Variants in WDR70 observed in about 807,000 individuals in gnomAD.
WDR70 encodes WD repeat domain 70, also known as WD repeat-containing protein 70.
A neutral mutation model predicts 88.6 loss-of-function variants in WDR70; 53 were observed. The observed-to-expected ratio is 0.60, with a 90% CI of 0.48 to 0.75. WDR70 has a LOEUF of 0.75. Among genes scored for constraint, WDR70 ranks in the 30% least tolerant of loss-of-function variants. The pLI is 0.00. For synonymous variants in WDR70, 280 were observed against 270.0 expected (o/e 1.04, Z -0.36); for missense variants, 610 against 823.2 (o/e 0.74, Z 3.17).
At chr5:37,438,048 A>G in intron 6 of WDR70, 67 bp downstream of exon 6, 2 of 1,384,448 alleles carry the variant, frequency 1.4e-6, no homozygotes, top group Non-Finnish European at 2.0e-6. Flanking sequence ...GTGAACTGAT[A>G]AGATACATTT....
intron 5 of WDR70, among the ~76,000 whole-genome samples, chr5:37,435,249 A>G (rs576995192): frequency 5.9e-5 from 9 of 152,306 alleles, no homozygotes; most frequent in African/African-American, 2.2e-4. Flanking sequence ...CAGTATTTCT[A>G]TTTGCTGAGT....
intron 9 of WDR70, among the ~76,000 whole-genome samples, chr5:37,560,983 AG>A (rs1244052855): frequency 9.2e-5 from 14 of 151,764 alleles, no homozygotes; most frequent in African/African-American, 3.1e-4. Flanking sequence ...CCAATCTTGA[AG>A]AAAAAAATAC....
intron 10 of WDR70, among the ~76,000 whole-genome samples, chr5:37,608,319 C>T (rs144322084): frequency 0.013 from 1,954 of 152,198 alleles, 22 homozygotes; most frequent in African/African-American, 0.037. Flanking sequence ...GGATTACAGG[C>T]GTGAGCCACC....
rs1238234916 is a variant in WDR70 at position 37,381,647 on chromosome 5, C to T, written c.137C>T (p.Thr46Ile). 6.2e-7 allele frequency: 1 copy of T among 1,612,158 alleles called. No homozygotes were observed. Among genetic ancestry groups the T allele is most frequent in the South Asian group, 1.1e-5 (1 of 91,054 alleles). ...GACTTGGAAGCAATGTTTGAACAAA[C>T]TCGAAGGACAGCTGTGGAAAGAAGT... Reference protein sequence around the residue: ...TFDLEAMFEQTRRTAVERSRK... With the variant: ...TFDLEAMFEQIRRTAVERSRK... Residue 46 changes from threonine to isoleucine, a missense_variant, in exon 3 of 18, where the codon ACT becomes ATT. By Grantham distance (89) the Thr-to-Ile change is moderately conservative. Coordinates refer to ENST00000265107, the MANE Select transcript of WDR70 (RefSeq NM_018034.4).
chr5:37,740,313 G>C (rs148298821), intron 17 of WDR70, among the ~76,000 whole-genome samples: 1 of 152,068 alleles, frequency 6.6e-6, no homozygotes, highest in Non-Finnish European at 1.5e-5. Context: ...ATTTCTAAAC[G>C]TTTTCAAAAG....
At chr5:37,433,500 A>G (rs944052724) in intron 5 of WDR70, among the ~76,000 whole-genome samples, 1 of 152,214 alleles carries the variant, frequency 6.6e-6, no homozygotes, top group Admixed American at 6.5e-5. Flanking sequence ...AATTGGCTCC[A>G]GGACTCTCCT....
chr5:37,624,170 T>G (rs1171635386), intron 10 of WDR70, among the ~76,000 whole-genome samples: 1 of 152,216 alleles, frequency 6.6e-6, no homozygotes, highest in East Asian at 1.9e-4. Flanking sequence ...TATAATTTTG[T>G]TTATCTGTTA....
intron 5 of WDR70, among the ~76,000 whole-genome samples, chr5:37,416,583 C>CTT (rs766896054): frequency 8.5e-5 from 11 of 129,188 alleles, no homozygotes; most frequent in African/African-American, 3.2e-4. Context: ...GAGAGGGCTT[C>CTT]TTTTTTTTTT....
chr5:37,660,120 A>G (rs1745663498), intron 10 of WDR70, among the ~76,000 whole-genome samples: 1 of 152,164 alleles, frequency 6.6e-6, no homozygotes, highest in East Asian at 1.9e-4. Context: ...CTGTTAATTG[A>G]TAGAAATCAA....
chr5:37,498,822 G>A (rs904667261), intron 8 of WDR70, among the ~76,000 whole-genome samples: 7 of 152,128 alleles, frequency 4.6e-5, no homozygotes, highest in East Asian at 3.9e-4. Context: ...TGTAGGTTTC[G>A]TGTGAACATG....
intron 17 of WDR70, among the ~76,000 whole-genome samples, chr5:37,748,863 A>G (rs1748713739): frequency 1.3e-5 from 2 of 152,220 alleles, no homozygotes; most frequent in African/African-American, 4.8e-5. Flanking sequence ...AAAAAGCTCA[A>G]CATCACTGAT....
chr5:37,653,451 C>T (rs1745461798), intron 10 of WDR70, among the ~76,000 whole-genome samples: 1 of 152,124 alleles, frequency 6.6e-6, no homozygotes, highest in African/African-American at 2.4e-5. Flanking sequence ...GTGCTGGCCT[C>T]ATAAAATGAG....
chr5:37,687,301 T>C (rs918482167), intron 10 of WDR70, among the ~76,000 whole-genome samples: 1 of 152,056 alleles, frequency 6.6e-6, no homozygotes. Context: ...ATTTGGGAGG[T>C]CTTCATCTCA....
chr5:37,623,258 A>T (rs555788699), intron 10 of WDR70, among the ~76,000 whole-genome samples: 3 of 152,262 alleles, frequency 2.0e-5, no homozygotes, highest in African/African-American at 7.2e-5. Context: ...TCTTCACTTT[A>T]CTATTAAAGG....
intron 7 of WDR70, among the ~76,000 whole-genome samples, chr5:37,450,406 C>A (rs1451949541): frequency 6.6e-6 from 1 of 152,100 alleles, no homozygotes; most frequent in Admixed American, 6.6e-5. Flanking sequence ...ATTATACTAA[C>A]CTATGTATAT....
rs564394024 is a variant in WDR70, at chr5:37,731,105, A to G, written c.1877+4060A>G. The stretch of plus-strand genomic sequence containing the variant: ...GGTCAGAGTTGTCCTGGTCAGGGCC[A>G]TGGCAACTAGAGTATTTATACTCCC... On this transcript the variant is annotated intron_variant, in intron 17 of 17. Coordinates refer to ENST00000265107, the MANE Select transcript of WDR70 (RefSeq NM_018034.4). 2.6e-5 allele frequency among the ~76,000 whole-genome samples: 4 copies of G among 152,218 alleles called. No individual in the cohort carries two copies. The South Asian group carries it at 8.3e-4, about 32-fold the overall frequency.
intron 13 of WDR70, among the ~76,000 whole-genome samples, chr5:37,713,209 A>G (rs773143916): frequency 4.6e-5 from 7 of 152,206 alleles, no homozygotes; most frequent in Admixed American, 1.3e-4. Context: ...ATGAAGGGCC[A>G]ATCACGTGCT....
intron 7 of WDR70, among the ~76,000 whole-genome samples, chr5:37,468,801 C>T (rs1447062759): frequency 6.6e-6 from 1 of 152,176 alleles, no homozygotes. Flanking sequence ...TTATTCCTTA[C>T]ACAATATAGT....
At chr5:37,662,197 C>G (rs1369430075) in intron 10 of WDR70, among the ~76,000 whole-genome samples, 2 of 152,288 alleles carry the variant, frequency 1.3e-5, no homozygotes, top group East Asian at 3.9e-4. Context: ...TATGAATAGC[C>G]TTTCAGAACA....
Sources: allele counts gnomAD v4.1 joint callset (sites outside exome capture counted in the v4.1 genomes callset), GRCh38; gene constraint gnomAD v4.1.1; transcripts MANE v1.5; gene names NCBI Gene and HGNC (gene_info 2026-07-23, HGNC 2026-07-21).